Variants in PTPRB observed in about 807,000 individuals in gnomAD.
PTPRB encodes receptor-type tyrosine-protein phosphatase beta.
A neutral mutation model predicts 238.1 loss-of-function variants in PTPRB; 97 were observed. That is an observed-to-expected ratio of 0.41 (90% CI 0.35 to 0.48). The LOEUF (loss-of-function observed/expected upper bound fraction) is 0.48. Ranked by LOEUF, PTPRB falls within the 20% of genes least tolerant of loss-of-function variation. The pLI is 0.30. For missense variants in PTPRB, 2,292 were observed against 2,681.9 expected (o/e 0.85, Z 3.21); for synonymous variants, 970 against 995.4 (o/e 0.97, Z 0.48).
rs567254838 is a variant in PTPRB at position 70,545,322 on chromosome 12, T to C, written c.5388-659A>G. ...CATTAGAGAAGTCAAGTGGCCCAAA[T>C]ATCAATATTATTGTTGTTGTTATTT... On this transcript the variant is annotated intron_variant, in intron 21 of 33. Transcript: ENST00000334414. Among the ~76,000 whole-genome samples, 11 of 152,318 alleles carry C rather than the reference T, an allele frequency of 7.2e-5. No homozygotes were observed. In the South Asian group the frequency reaches 2.1e-3, roughly 29 times the overall value.
chr12:70,576,364 A>C lies in PTPRB; in HGVS notation c.2842+18T>G, dbSNP rs533989443. On this transcript the variant is annotated intron_variant, in intron 11 of 33. Transcript: ENST00000334414. ...TGAATTGGTTCTTACGGAGCCCTGA[A>C]CCTTCATACAGCCTTACCTGTCCGC... 14 of 1,609,074 alleles carry C rather than the reference A, an allele frequency of 8.7e-6. No individual in the cohort carries two copies. Among genetic ancestry groups the C allele is most frequent in the Non-Finnish European group, 8.5e-7 (1 of 1,177,834 alleles).
intron 3 of PTPRB, among the ~76,000 whole-genome samples, chr12:70,621,184 C>T (rs369949167): frequency 1.5e-4 from 23 of 152,222 alleles, no homozygotes; most frequent in African/African-American, 4.3e-4. Context: ...CCATTTTCCA[C>T]GCCCAGATAG....
chr12:70,623,094 A>C (rs896166482), intron 2 of PTPRB, among the ~76,000 whole-genome samples: 1 of 152,300 alleles, frequency 6.6e-6, no homozygotes, highest in East Asian at 1.9e-4. Context: ...TTTTAAACAA[A>C]ATACCAGGTT....
At position 70,582,128 on chromosome 12, in the gene PTPRB, A is replaced by G. The variant is rs538776868; in HGVS notation, c.2312-826T>C. Among the ~76,000 whole-genome samples, 125 of 152,266 alleles carry G rather than the reference A, an allele frequency of 8.2e-4. 1 individual carries two copies. The highest frequency in any genetic ancestry group is 2.9e-3 in the African/African-American group (119 of 41,568). ...CAACTTATCATTTAACAAATCTTATACACAGATCTTGAAGTTGGCACTTGG... is the reference window on the plus strand; with the variant it reads ...CAACTTATCATTTAACAAATCTTATGCACAGATCTTGAAGTTGGCACTTGG... On this transcript the variant is annotated intron_variant, in intron 9 of 33. Coordinates refer to ENST00000334414, the MANE Select transcript of PTPRB (RefSeq NM_001109754.4).
At chr12:70,545,689 A>T (rs1309045159) in intron 21 of PTPRB, among the ~76,000 whole-genome samples, 2 of 152,182 alleles carry the variant, frequency 1.3e-5, no homozygotes, top group Non-Finnish European at 2.9e-5. Context: ...GGCCCTGGCC[A>T]GGAGCCCTGG....
At chr12:70,554,668 T>G (rs1425875840) in intron 20 of PTPRB, among the ~76,000 whole-genome samples, 2 of 152,198 alleles carry the variant, frequency 1.3e-5, no homozygotes, top group Non-Finnish European at 2.9e-5. Context: ...TTTCCTTCTT[T>G]TAAGCTTTTG....
At chr12:70,571,555 A>C in intron 12 of PTPRB, 1 of 581,094 alleles carries the variant, frequency 1.7e-6, no homozygotes, top group East Asian at 2.9e-5. Context: ...TAAAACAAGA[A>C]GTCTAGAATC....
In PTPRB at chr12:70,544,745, C is replaced by T. The variant is rs560653778; in HGVS notation, c.5388-82G>A. ...AAAATGTGTTCAAGGAGAAATAGGG[C>T]GGGTTCCTGGTCAGTGGGTAGCAGG... On this transcript the variant is annotated intron_variant, in intron 21 of 33. Coordinates refer to ENST00000334414, the MANE Select transcript of PTPRB (RefSeq NM_001109754.4). 5.5e-5 allele frequency: 51 copies of T among 927,946 alleles called. No homozygotes were observed. The South Asian group carries it at 6.9e-4, about 13-fold the overall frequency. The allele number at this position is 927,946 out of a possible 1,614,324, so 57.5% of individuals were successfully genotyped here. A position where few individuals can be genotyped will look rare whatever the true frequency, so the allele number is the denominator to read the frequency against.
At chr12:70,602,867 G>C (rs1007407925) in intron 4 of PTPRB, among the ~76,000 whole-genome samples, 2 of 152,070 alleles carry the variant, frequency 1.3e-5, no homozygotes, top group Admixed American at 1.3e-4. Context: ...GTTCATTTTA[G>C]TTTCATATTA....
chr12:70,607,315 C>T (rs1466376479), intron 4 of PTPRB, among the ~76,000 whole-genome samples: 1 of 152,226 alleles, frequency 6.6e-6, no homozygotes, highest in Admixed American at 6.5e-5. Context: ...AACACATACA[C>T]TAGTTGGCCA....
chr12:70,608,264 G>A (rs1884128068), intron 4 of PTPRB, among the ~76,000 whole-genome samples: 1 of 152,178 alleles, frequency 6.6e-6, no homozygotes, highest in Non-Finnish European at 1.5e-5. Context: ...CAGAAAACCT[G>A]AAAATTGTTA....
At chr12:70,601,824 C>T (rs1883526588) in intron 4 of PTPRB, among the ~76,000 whole-genome samples, 1 of 136,380 alleles carries the variant, frequency 7.3e-6, no homozygotes, top group Non-Finnish European at 1.5e-5. Flanking sequence ...TGGAGTCTCA[C>T]TCTGTCACCC....
At chr12:70,534,703 A>G in intron 30 of PTPRB, 52 bp from the exon 31 acceptor site, 1 of 1,603,042 alleles carries the variant, frequency 6.2e-7, no homozygotes, top group Non-Finnish European at 8.5e-7. Context: ...GCAAACCTTC[A>G]AACTTGACAG....
At chr12:70,532,899 G>T (rs1441394787) in intron 31 of PTPRB, among the ~76,000 whole-genome samples, 1 of 152,134 alleles carries the variant, frequency 6.6e-6, no homozygotes, top group East Asian at 1.9e-4. Context: ...TTCCACTTTG[G>T]CCTCCAAAGT....
chr12:70,583,988 TC>T (rs1404492898), intron 9 of PTPRB, among the ~76,000 whole-genome samples: 1 of 152,060 alleles, frequency 6.6e-6, no homozygotes, highest in East Asian at 1.9e-4. Flanking sequence ...ATTATAATTA[TC>T]AGACATAGGA....
In PTPRB at chr12:70,525,981, G is replaced by GCAAT. The variant is rs574016984; in HGVS notation, c.6505-1394_6505-1391dup. On this transcript the variant is annotated intron_variant, in intron 32 of 33. Coordinates refer to ENST00000334414, the MANE Select transcript of PTPRB (RefSeq NM_001109754.4). Reference sequence around the variant, plus strand: ...AATATTTCCAGACCTTGTGTTTAAGGCAATCAGTGTAGTCAGTCTTAAAAG... The same window carrying GCAAT: ...AATATTTCCAGACCTTGTGTTTAAGGCAATCAATCAGTGTAGTCAGTCTTAAAAG... Among the ~76,000 whole-genome samples, 295 of 152,290 alleles carry GCAAT rather than the reference G, an allele frequency of 1.9e-3. 1 individual carries two copies. Among genetic ancestry groups the GCAAT allele is most frequent in the Admixed American group, 4.8e-3 (74 of 15,290 alleles).
At chr12:70,549,657 T>C (rs1876588468) in intron 21 of PTPRB, among the ~76,000 whole-genome samples, 1 of 152,210 alleles carries the variant, frequency 6.6e-6, no homozygotes, top group African/African-American at 2.4e-5. Context: ...TGGTAATGAC[T>C]GTCTTGAGAC....
At position 70,569,839 on chromosome 12, in the gene PTPRB, G is replaced by T. The variant is rs2304821; in HGVS notation, c.3470C>A (p.Thr1157Lys). ...TTGACTGTGCCTGAATGCCGACACC[G>T]TGTAGGAATCAACGTCTCCCCCACC... is the stretch of plus-strand genomic sequence containing the variant. ...TPGGGDVDSY[T>K]VSAFRHSQKV... is the part of the protein sequence containing the mutation. Residue 1157 changes from threonine to lysine, a missense_variant, in exon 14 of 34, where the codon ACG (threonine) becomes AAG (lysine). Coordinates refer to ENST00000334414, the MANE Select transcript of PTPRB (RefSeq NM_001109754.4). The T allele has an allele frequency of 1.2e-6, 2 of 1,613,884 alleles. No homozygotes were observed. The highest frequency in any genetic ancestry group is 1.7e-5 in the Admixed American group (1 of 60,012).
chr12:70,594,363 T>A, intron 6 of PTPRB, 104 bp downstream of exon 6: 1 of 1,424,278 alleles, frequency 7.0e-7, no homozygotes. Context: ...CTTATAAGAA[T>A]TTCAATTTGT....
Sources: gnomAD v4.1 joint callset for allele counts (sites outside exome capture counted in the v4.1 genomes callset) on GRCh38, gnomAD v4.1.1 for gene constraint, MANE v1.5 for transcripts, NCBI Gene and HGNC (gene_info 2026-07-23, HGNC 2026-07-21) for gene names.